Variants in LPIN1 observed in about 807,000 individuals in gnomAD.
LPIN1 encodes the protein lipin 1, also known as phosphatidate phosphatase LPIN1.
Under a neutral mutation model 107.5 loss-of-function variants are expected in LPIN1, and 71 were observed. The observed-to-expected ratio is 0.66, with a 90% CI of 0.55 to 0.80. LPIN1 has a LOEUF of 0.80. LPIN1 is among the 30% of genes least tolerant of loss of function. The pLI is 0.00. For missense variants in LPIN1, 1,043 were observed against 1,160.6 expected (o/e 0.90, Z 1.47); for synonymous variants, 445 against 452.6 (o/e 0.98, Z 0.21).
intron 1 of LPIN1, among the ~76,000 whole-genome samples, chr2:11,755,443 A>G (rs1476404941): frequency 1.3e-5 from 2 of 152,158 alleles, no homozygotes; most frequent in Non-Finnish European, 2.9e-5. Flanking sequence ...CCGCGTCAGA[A>G]ATGAGCAAGC....
At chr2:11,769,562 A>G (rs1345411735) in intron 3 of LPIN1, among the ~76,000 whole-genome samples, 1 of 152,110 alleles carries the variant, frequency 6.6e-6, no homozygotes. Flanking sequence ...TCTTTGCAGC[A>G]CAATAGTTTT....
intron 13 of LPIN1, among the ~76,000 whole-genome samples, chr2:11,793,483 T>C (rs11683702): frequency 9.4e-4 from 143 of 152,348 alleles, no homozygotes; most frequent in Non-Finnish European, 1.6e-3. Flanking sequence ...GCTCTTATAA[T>C]GAAGGCTTGT....
At chr2:11,684,730 C>T (rs1661910369) in intron 1 of LPIN1, among the ~76,000 whole-genome samples, 1 of 151,324 alleles carries the variant, frequency 6.6e-6, no homozygotes, top group Non-Finnish European at 1.5e-5. Context: ...TCCTTCCATC[C>T]CTCCCTCCCT....
At chr2:11,728,664 T>C (rs190489997) in intron 1 of LPIN1, among the ~76,000 whole-genome samples, 10 of 152,308 alleles carry the variant, frequency 6.6e-5, no homozygotes, top group Admixed American at 3.3e-4. Context: ...GTATGAGCCA[T>C]TGCACCTGGC....
At chr2:11,742,691 T>G (rs932342885), upstream of LPIN1, among the ~76,000 whole-genome samples, 5 of 152,244 alleles carry the variant, frequency 3.3e-5, no homozygotes, top group Non-Finnish European at 7.3e-5. Flanking sequence ...TTGGTCTCTT[T>G]CTTCTTTCCT....
At position 11,759,128 on chromosome 2, in the gene LPIN1, CTTTCT is replaced by C. The variant is rs1339275416; in HGVS notation, c.-9-6397_-9-6393del. On this transcript the variant is annotated intron_variant, in intron 1 of 20. Transcript: ENST00000674199. ...AGTTATGAGCTAGCTAGCTTGCTTT[CTTTCT>C]TTTCTTTCTTTCTTTCTTTCTTTCT... 3.0e-3 allele frequency among the ~76,000 whole-genome samples: 410 copies of C among 135,916 alleles called. 1 individual carries two copies. The highest frequency in any genetic ancestry group is 7.4e-3 in the Middle Eastern group (2 of 270). 89.2% of individuals were successfully genotyped at this position (135,916 alleles called of 152,430 possible). A position where few individuals can be genotyped will look rare whatever the true frequency, so the allele number is the denominator to read the frequency against.
rs1442956555 is a variant in LPIN1 at position 11,786,621 on chromosome 2, C to T, written c.1550-453C>T. 6.6e-6 allele frequency among the ~76,000 whole-genome samples: 1 copy of T among 152,110 alleles called. No homozygotes were observed. The highest frequency in any genetic ancestry group is 2.4e-5 in the African/African-American group (1 of 41,430). On this transcript the variant is annotated intron_variant, in intron 10 of 20. Coordinates refer to ENST00000674199, the MANE Select transcript of LPIN1 (RefSeq NM_001349206.2). This position sits in a 1 kb window ranked among gnomAD's most constrained non-coding sequence, Gnocchi z 4.1. ...TTTACGACATTATCAGTCCCCATGA[C>T]CACCCTAGGAAGCAGATGTGGTTAT...
In LPIN1 at chr2:11,779,579, G is replaced by T; in HGVS notation, c.891G>T (p.Thr297=). ...KSDSELVSKS[T]ERTGQKNPEM... is the part of the protein sequence containing the mutation. ...ATTCAGAATTGGTCAGCAAGTCCAC[G>T]GAAAGGACAGGGCAGAAGAACCCAG... Residue 297 remains threonine, a synonymous_variant, in exon 7 of 21, where the codon ACG becomes ACT. Coordinates refer to ENST00000674199, the MANE Select transcript of LPIN1 (RefSeq NM_001349206.2). 1 of 1,614,092 alleles carries T rather than the reference G, an allele frequency of 6.2e-7. No homozygotes were observed. The highest frequency in any genetic ancestry group is 1.1e-5 in the South Asian group (1 of 91,076).
chr2:11,742,495 T>C (rs1483220773), upstream of LPIN1, among the ~76,000 whole-genome samples: 3 of 152,168 alleles, frequency 2.0e-5, no homozygotes, highest in African/African-American at 7.2e-5. Flanking sequence ...AGCAAGGTCA[T>C]GGGTCATGGC....
intron 18 of LPIN1, 46 bp downstream of exon 18, chr2:11,815,286 C>G (rs1337686877): frequency 1.2e-6 from 2 of 1,610,094 alleles, no homozygotes; most frequent in South Asian, 2.2e-5. Context: ...CCTGTTCAGA[C>G]CCGCTCTCTT....
At chr2:11,804,998 T>TTTTTTTC in intron 16 of LPIN1, 72 bp from the exon 17 acceptor site, 1 of 900,410 alleles carries the variant, frequency 1.1e-6, no homozygotes, top group Admixed American at 2.0e-5. Flanking sequence ...TTTTTTTTTT[T>TTTTTTTC]ATGAGGCATG....
intron 1 of LPIN1, chr2:11,724,707 A>C: frequency 6.6e-6 from 6 of 904,760 alleles, no homozygotes; most frequent in Non-Finnish European, 7.9e-6. Flanking sequence ...GACACAGGTC[A>C]ATGTGTCCCC....
chr2:11,706,676 C>T (rs1286478000), intron 1 of LPIN1, among the ~76,000 whole-genome samples: 10 of 152,222 alleles, frequency 6.6e-5, no homozygotes, highest in Non-Finnish European at 5.9e-5. Flanking sequence ...GGGCTTAGAT[C>T]CAATTCCCTT....
At chr2:11,701,657 C>T (rs1202747055) in intron 1 of LPIN1, among the ~76,000 whole-genome samples, 2 of 152,176 alleles carry the variant, frequency 1.3e-5, no homozygotes, top group Non-Finnish European at 2.9e-5. Context: ...ACTTAATCCT[C>T]ACGACAACAG....
At chr2:11,819,321 T>A in intron 18 of LPIN1, 163 bp from the exon 19 acceptor site, 1 of 616,948 alleles carries the variant, frequency 1.6e-6, no homozygotes, top group Non-Finnish European at 2.9e-6. Flanking sequence ...CGGGTTTACT[T>A]TCCATCTCGT....
chr2:11,746,905 C>G lies in LPIN1; in HGVS notation c.-10+234C>G, dbSNP rs1667034301. Among the ~76,000 whole-genome samples, 2 of 152,318 alleles carry G rather than the reference C, an allele frequency of 1.3e-5. 1 individual carries two copies. Among genetic ancestry groups the G allele is most frequent in the South Asian group, 4.1e-4 (2 of 4,832 alleles). On this transcript the variant is annotated intron_variant, in intron 1 of 20. Coordinates refer to ENST00000674199, the MANE Select transcript of LPIN1 (RefSeq NM_001349206.2). The stretch of plus-strand genomic sequence containing the variant: ...GGCCGGGAGGGCCTCGCGAGCATCC[C>G]TCGGGCCTGGCTTTCCTGACGCGCC...
intron 1 of LPIN1, among the ~76,000 whole-genome samples, chr2:11,732,391 A>G (rs1318003600): frequency 6.6e-6 from 1 of 152,210 alleles, no homozygotes; most frequent in African/African-American, 2.4e-5. Flanking sequence ...TCTGGTTCAG[A>G]GCTATCTACT....
At chr2:11,779,881 CTTT>C (rs545546639) in intron 7 of LPIN1, among the ~76,000 whole-genome samples, 2 of 145,648 alleles carry the variant, frequency 1.4e-5, no homozygotes, top group African/African-American at 2.5e-5. Context: ...TTAGGATTTA[CTTT>C]TTTTTTTTTT....
At chr2:11,702,536 G>A (rs1021122153) in intron 1 of LPIN1, among the ~76,000 whole-genome samples, 3 of 152,224 alleles carry the variant, frequency 2.0e-5, no homozygotes, top group Non-Finnish European at 2.9e-5. Flanking sequence ...AAAGACACAG[G>A]TAATATGTGA....
Sources: allele counts gnomAD v4.1 joint callset (sites outside exome capture counted in the v4.1 genomes callset), GRCh38; gene constraint gnomAD v4.1.1; non-coding constraint Gnocchi (gnomAD v3.1); transcripts MANE v1.5; gene names NCBI Gene and HGNC (gene_info 2026-07-23, HGNC 2026-07-21).